LIPA: variants seen among roughly 807,000 people sequenced by gnomAD.
LIPA encodes lysosomal acid lipase/cholesteryl ester hydrolase.
A neutral mutation model predicts 40.6 loss-of-function variants in LIPA; 26 were observed. That is an observed-to-expected ratio of 0.64 (90% confidence interval 0.47 to 0.89). The LOEUF is 0.89. LIPA is among the 40% of genes least tolerant of loss of function. The probability of loss-of-function intolerance (pLI) is 0.00; values close to 1 mark genes in which losing one functional copy is unlikely to be tolerated. For synonymous variants in LIPA, 188 were observed against 168.4 expected (o/e 1.12, Z -0.90); for missense variants, 455 against 479.6 (o/e 0.95, Z 0.48).
chr10:89,357,683 G>A (rs955333954), intron 2 of LIPA, among the ~76,000 whole-genome samples: 1 of 152,212 alleles, frequency 6.6e-6, no homozygotes, highest in African/African-American at 2.4e-5. Flanking sequence ...AATGAGACAG[G>A]ATGATGGGAG....
intron 1 of LIPA, among the ~76,000 whole-genome samples, chr10:89,320,094 A>G (rs1298967417): frequency 6.6e-6 from 1 of 152,192 alleles, no homozygotes; most frequent in Non-Finnish European, 1.5e-5. Context: ...ATTTATGACA[A>G]ACCCACAGCC....
At chr10:89,338,059 T>C (rs1003203994) in intron 1 of LIPA, 2 of 152,408 alleles carry the variant, frequency 1.3e-5, no homozygotes, top group Non-Finnish European at 2.9e-5. Flanking sequence ...GGCTAAGCTA[T>C]GGTAGGTTAG....
At chr10:89,358,352 C>G (rs1844000805) in intron 2 of LIPA, among the ~76,000 whole-genome samples, 1 of 152,186 alleles carries the variant, frequency 6.6e-6, no homozygotes, top group African/African-American at 2.4e-5. Context: ...TAAATTAGTA[C>G]AGCCACTATG....
At chr10:89,263,735 C>T (rs1321058877) in intron 1 of LIPA, among the ~76,000 whole-genome samples, 1 of 152,226 alleles carries the variant, frequency 6.6e-6, no homozygotes, top group East Asian at 1.9e-4. Flanking sequence ...GTTTTGCCCA[C>T]TTGGCCTGGC....
At chr10:89,307,201 G>T in intron 1 of LIPA, 1 of 1,613,948 alleles carries the variant, frequency 6.2e-7, no homozygotes, top group Non-Finnish European at 8.5e-7. Context: ...AAGACAAACT[G>T]CAAAAAATTG....
chr10:89,225,307 C>G (rs558298682), intron 5 of LIPA, 79 bp from the exon 6 acceptor site: 3 of 1,565,132 alleles, frequency 1.9e-6, no homozygotes, highest in East Asian at 4.5e-5. Flanking sequence ...CCGTCACTCG[C>G]GACGCCCTCT....
intron 6 of LIPA, 84 bp downstream of exon 6, chr10:89,225,008 C>A: frequency 6.6e-7 from 1 of 1,504,180 alleles, no homozygotes; most frequent in Non-Finnish European, 9.2e-7. Flanking sequence ...GAGGAAGGCA[C>A]AGATTATCCC....
intron 2 of LIPA, chr10:89,392,476 C>CCCCG (rs1554880524): frequency 1.2e-5 from 3 of 253,570 alleles, no homozygotes; most frequent in Middle Eastern, 1.4e-3. Context: ...TCCCCACCCC[C>CCCCG]CCCCGTCAGC....
chr10:89,332,478 T>G, intron 1 of LIPA: 1 of 1,531,750 alleles, frequency 6.5e-7, no homozygotes. Context: ...GTTCCATCAG[T>G]TTCACTTTCC....
At chr10:89,219,674 C>T (rs1842671621) in intron 8 of LIPA, among the ~76,000 whole-genome samples, 1 of 152,212 alleles carries the variant, frequency 6.6e-6, no homozygotes, top group Admixed American at 6.5e-5. Flanking sequence ...CCAGGCCTGC[C>T]CAGCTTCCAC....
chr10:89,332,584 G>A (rs1136861), intron 1 of LIPA: 14 of 1,613,946 alleles, frequency 8.7e-6, no homozygotes, highest in South Asian at 2.2e-5. Flanking sequence ...AAAATCAACC[G>A]GGACCCCAGC....
At chr10:89,339,616 G>C in intron 1 of LIPA, 1 of 1,614,178 alleles carries the variant, frequency 6.2e-7, no homozygotes, top group Non-Finnish European at 8.5e-7. Context: ...TTCGAATAAA[G>C]CTCTTGAGAA....
chr10:89,238,869 G>A (rs577417466), intron 3 of LIPA, among the ~76,000 whole-genome samples: 133 of 152,262 alleles, frequency 8.7e-4, no homozygotes, highest in African/African-American at 3.1e-3. Flanking sequence ...AAATTTTGGG[G>A]AATGCAAAAG....
intron 1 of LIPA, chr10:89,338,218 C>A: frequency 6.3e-6 from 1 of 159,980 alleles, no homozygotes; most frequent in Non-Finnish European, 1.4e-5. Context: ...CTGGCAAGTC[C>A]CATAATCTGT....
intron 1 of LIPA, among the ~76,000 whole-genome samples, chr10:89,268,911 G>C (rs1055161994): frequency 7.3e-5 from 11 of 151,500 alleles, no homozygotes; most frequent in Non-Finnish European, 1.5e-4. Flanking sequence ...GTGTGAACCT[G>C]GGAGGCGGAG....
At chr10:89,306,834 C>A in intron 1 of LIPA, 1 of 1,614,006 alleles carries the variant, frequency 6.2e-7, no homozygotes, top group South Asian at 1.1e-5. Context: ...TGCTATAGGG[C>A]AAAAGTCTTC....
At chr10:89,341,721 G>C (rs1300562095) in intron 1 of LIPA, among the ~76,000 whole-genome samples, 1 of 152,110 alleles carries the variant, frequency 6.6e-6, no homozygotes, top group Non-Finnish European at 1.5e-5. Flanking sequence ...TCAGAATTTA[G>C]AATATAGACC....
intron 1 of LIPA, among the ~76,000 whole-genome samples, chr10:89,342,151 A>T (rs1843877155): frequency 1.3e-5 from 2 of 152,260 alleles, no homozygotes. Context: ...AACATCCAAT[A>T]GGTCCAGCAT....
intron 2 of LIPA, chr10:89,404,033 A>G: frequency 5.2e-6 from 1 of 193,984 alleles, no homozygotes. Flanking sequence ...TAAAATCCTT[A>G]GCTCCTCCAC....
Sources: gnomAD v4.1 joint callset for allele counts (sites outside exome capture counted in the v4.1 genomes callset) on GRCh38, gnomAD v4.1.1 for gene constraint, MANE v1.5 for transcripts, NCBI Gene and HGNC (gene_info 2026-07-23, HGNC 2026-07-21) for gene names.